Variants in NEIL3 observed in about 807,000 individuals in gnomAD.
NEIL3 encodes the protein nei like DNA glycosylase 3.
NEIL3 carries 48 observed loss-of-function variants against 57.5 expected under a neutral mutation model. The observed-to-expected ratio is 0.83, with a 90% CI of 0.66 to 1.06. The LOEUF is 1.06. NEIL3 is among the 50% of genes least tolerant of loss of function. The pLI is 0.00. For synonymous variants in NEIL3, 261 were observed against 253.2 expected (o/e 1.03, Z -0.29); for missense variants, 717 against 739.1 (o/e 0.97, Z 0.35).
At chr4:177,312,482 C>T (rs890405637) in intron 1 of NEIL3, among the ~76,000 whole-genome samples, 3 of 152,110 alleles carry the variant, frequency 2.0e-5, no homozygotes, top group East Asian at 1.9e-4. Flanking sequence ...TAGTTTTGTT[C>T]GGTTGAGTCA....
In NEIL3 at chr4:177,336,263, T is replaced by C; in HGVS notation, c.569T>C (p.Val190Ala). 6.2e-7 allele frequency: 1 copy of C among 1,614,130 alleles called. No homozygotes were observed. The highest frequency in any genetic ancestry group is 1.1e-5 in the South Asian group (1 of 91,066). Residue 190 changes from valine (V) to alanine (A), a missense_variant, in exon 4 of 10, where the codon GTA (valine) becomes GCA (alanine). Coordinates refer to ENST00000264596, the MANE Select transcript of NEIL3 (RefSeq NM_018248.3). ...ATGGATCAGAACGTATTGCCTGGAGTAGGGAACATCATCAAAAATGAAGCT... is the reference window on the plus strand; with the variant it reads ...ATGGATCAGAACGTATTGCCTGGAGCAGGGAACATCATCAAAAATGAAGCT... ...VLMDQNVLPGVGNIIKNEALF... is the reference protein window; with the variant it reads ...VLMDQNVLPGAGNIIKNEALF...
intron 7 of NEIL3, among the ~76,000 whole-genome samples, chr4:177,352,691 G>A (rs888790817): frequency 6.6e-5 from 10 of 152,062 alleles, no homozygotes; most frequent in Non-Finnish European, 1.2e-4. Context: ...TTAGCCAGGC[G>A]TGCTGGCGGG....
chr4:177,336,947 C>T (rs1324848529), intron 4 of NEIL3, among the ~76,000 whole-genome samples: 1 of 152,114 alleles, frequency 6.6e-6, no homozygotes, highest in Non-Finnish European at 1.5e-5. Flanking sequence ...GAAATGAAAG[C>T]AAAATGTAGA....
chr4:177,337,788 A>G (rs1735006120), intron 4 of NEIL3, among the ~76,000 whole-genome samples: 1 of 152,140 alleles, frequency 6.6e-6, no homozygotes, highest in African/African-American at 2.4e-5. Context: ...CACGAGGTCA[A>G]GAGGTGAGAC....
chr4:177,359,336 C>T (rs1432668514), intron 8 of NEIL3, among the ~76,000 whole-genome samples: 1 of 152,134 alleles, frequency 6.6e-6, no homozygotes, highest in East Asian at 1.9e-4. Flanking sequence ...TTGAGTTCAT[C>T]CCAGCAAACA....
chr4:177,340,844 G>T (rs1235825988), intron 5 of NEIL3, among the ~76,000 whole-genome samples: 1 of 152,056 alleles, frequency 6.6e-6, no homozygotes, highest in African/African-American at 2.4e-5. Context: ...GAATAAAACT[G>T]ACCAAATATA....
chr4:177,362,000 AATT>A (rs1446811056), intron 9 of NEIL3, among the ~76,000 whole-genome samples: 1 of 152,188 alleles, frequency 6.6e-6, no homozygotes, highest in Non-Finnish European at 1.5e-5. Context: ...GATAGTTTTC[AATT>A]ATTCTTAACA....
Position 177,341,530 on chromosome 4 carries a change from A to C in NEIL3, c.757A>C (p.Asn253His). Reference protein sequence around the residue: ...SKHYKVYKRPNCGQCHCRITV... With the variant: ...SKHYKVYKRPHCGQCHCRITV... ...ACACTATAAGGTTTACAAGCGTCCT[A>C]ATTGTGGTCAGTGCCACTGCAGAAT... Residue 253 changes from asparagine (N) to histidine (H), a missense_variant, in exon 6 of 10, where the codon AAT (asparagine) becomes CAT (histidine). Asn to His is a moderately conservative substitution (Grantham distance 68). Coordinates refer to ENST00000264596, the MANE Select transcript of NEIL3 (RefSeq NM_018248.3). 1 of 1,613,622 alleles carries C rather than the reference A, an allele frequency of 6.2e-7. No individual in the cohort carries two copies. The highest frequency in any genetic ancestry group is 8.5e-7 in the Non-Finnish European group (1 of 1,179,842).
At chr4:177,321,243 C>T (rs1325474665) in intron 1 of NEIL3, among the ~76,000 whole-genome samples, 2 of 152,088 alleles carry the variant, frequency 1.3e-5, no homozygotes, top group African/African-American at 2.4e-5. Context: ...ACCAAGGTTT[C>T]GTTCAGAATC....
In NEIL3 at chr4:177,360,627, C is replaced by G. The variant is rs1003515790; in HGVS notation, c.1585C>G (p.Gln529Glu). ...VGKDGENKGR[Q>E]FYACPLPREA... ...GAAGGATGGGGAAAACAAGGGCAGG[C>G]AGTTTTATGCCTGTCCTCTACCTAG... Residue 529 changes from glutamine (Q) to glutamate (E), a missense_variant, in exon 9 of 10, where the codon CAG (glutamine) becomes GAG (glutamate). Coordinates refer to ENST00000264596, the MANE Select transcript of NEIL3 (RefSeq NM_018248.3). 1 of 1,613,806 alleles carries G rather than the reference C, an allele frequency of 6.2e-7. No homozygotes were observed. The highest frequency in any genetic ancestry group is 8.5e-7 in the Non-Finnish European group (1 of 1,179,798).
rs767272912 is a variant in NEIL3 at position 177,341,599 on chromosome 4, T to G, written c.826T>G (p.Cys276Gly). 3 of 1,613,602 alleles carry G rather than the reference T, an allele frequency of 1.9e-6. No individual in the cohort carries two copies. The South Asian group carries it at 3.3e-5, about 18-fold the overall frequency. Residue 276 changes from cysteine to glycine, a missense_variant, in exon 6 of 10, where the codon TGT (cysteine) becomes GGT (glycine). By Grantham distance (159) the Cys-to-Gly change is radical. Coordinates refer to ENST00000264596, the MANE Select transcript of NEIL3 (RefSeq NM_018248.3). The part of the protein sequence containing the change: ...FGDNNRMTYF[C>G]PHCQKENPQH... ...GGACAATAACAGAATGACATATTTCTGTCCTCACTGTCAAAAAGAAAATCC... is the reference window on the plus strand; with the variant it reads ...GGACAATAACAGAATGACATATTTCGGTCCTCACTGTCAAAAAGAAAATCC...
rs866531886 is a variant in NEIL3 at position 177,345,178 on chromosome 4, T to A, written c.869+3536T>A. Among the ~76,000 whole-genome samples the A allele has an allele frequency of 4.6e-5, 7 of 152,320 alleles. No homozygotes were observed. In the South Asian group the frequency reaches 1.5e-3, roughly 32 times the overall value. Reference sequence around the variant, plus strand: ...ATGGAAGTATGGAAGAAGAAACACTTAAGTCTACCTGGGAAGGACAAGGAA... The same window carrying A: ...ATGGAAGTATGGAAGAAGAAACACTAAAGTCTACCTGGGAAGGACAAGGAA... On this transcript the variant is annotated intron_variant, in intron 6 of 9. Transcript: ENST00000264596.
At chr4:177,367,847 T>A (rs780983518), downstream of NEIL3, among the ~76,000 whole-genome samples, 1 of 152,256 alleles carries the variant, frequency 6.6e-6, no homozygotes, top group Admixed American at 6.5e-5. Flanking sequence ...GCCGCTGTGC[T>A]GAATACTTGC....
At chr4:177,319,527 G>A (rs1734634144) in intron 1 of NEIL3, among the ~76,000 whole-genome samples, 1 of 152,074 alleles carries the variant, frequency 6.6e-6, no homozygotes, top group Non-Finnish European at 1.5e-5. Flanking sequence ...CTTTAGTGGT[G>A]ATTTCTGAGA....
At chr4:177,315,570 G>A (rs976015234) in intron 1 of NEIL3, among the ~76,000 whole-genome samples, 5 of 152,150 alleles carry the variant, frequency 3.3e-5, no homozygotes, top group Admixed American at 3.3e-4. Context: ...TTGAATTTGG[G>A]CAGCAAAAGC....
chr4:177,332,525 A>C (rs1162288070), intron 2 of NEIL3, among the ~76,000 whole-genome samples: 3 of 152,146 alleles, frequency 2.0e-5, no homozygotes, highest in Non-Finnish European at 4.4e-5. Flanking sequence ...CAGCAGCTTA[A>C]AGACTTTTTA....
At chr4:177,312,969 C>T (rs1309107452) in intron 1 of NEIL3, among the ~76,000 whole-genome samples, 4 of 152,256 alleles carry the variant, frequency 2.6e-5, no homozygotes, top group Non-Finnish European at 4.4e-5. Context: ...TGTCACAAAC[C>T]TCTGGCAAGA....
intron 6 of NEIL3, among the ~76,000 whole-genome samples, 186 bp downstream of exon 6, chr4:177,341,828 T>C (rs753713971): frequency 2.2e-4 from 33 of 152,146 alleles, no homozygotes; most frequent in Non-Finnish European, 4.3e-4. Flanking sequence ...AAAGATGATT[T>C]ATGGACCAGT....
intron 4 of NEIL3, 74 bp downstream of exon 4, chr4:177,336,395 C>A: frequency 8.9e-7 from 1 of 1,120,746 alleles, no homozygotes; most frequent in Non-Finnish European, 1.3e-6. Context: ...GAAGCCTTAA[C>A]TCTGCATTTC....
Sources: gnomAD v4.1 joint callset for allele counts (sites outside exome capture counted in the v4.1 genomes callset) on GRCh38, gnomAD v4.1.1 for gene constraint, MANE v1.5 for transcripts, NCBI Gene and HGNC (gene_info 2026-07-23, HGNC 2026-07-21) for gene names.